Variants in SH3BGRL2 observed in about 807,000 individuals in gnomAD.
SH3BGRL2 encodes SH3 domain-binding glutamic acid-rich-like protein 2.
In SH3BGRL2, 21 loss-of-function variants were observed where a neutral mutation model predicts 14.8. The observed-to-expected ratio is 1.42, with a 90% confidence interval of 1.01 to 2.05. The LOEUF (loss-of-function observed/expected upper bound fraction) is 2.05, where lower values mean the gene tolerates loss of function less well. Among genes scored for constraint, SH3BGRL2 ranks in the 30% most tolerant of loss-of-function variants. The pLI, the probability that SH3BGRL2 is intolerant of heterozygous loss-of-function variation, is 0.00. For missense variants in SH3BGRL2, 147 were observed against 130.8 expected, an observed-to-expected ratio of 1.12 and a Z score of -0.61; for synonymous variants, 50 against 47.8, an observed-to-expected ratio of 1.05 and a Z score of -0.19.
chr6:79,664,226 A>G (rs1021427025), intron 1 of SH3BGRL2, among the ~76,000 whole-genome samples: 18 of 152,356 alleles, frequency 1.2e-4, no homozygotes, highest in African/African-American at 4.3e-4. Context: ...TTGGAAATGC[A>G]GAAATCACCT....
chr6:79,657,638 C>T (rs1053398884), intron 1 of SH3BGRL2, among the ~76,000 whole-genome samples: 3 of 151,260 alleles, frequency 2.0e-5, no homozygotes, highest in Admixed American at 6.6e-5. Context: ...TTTTTTGAGG[C>T]GGAGTTTCGC....
chr6:79,632,675 C>A (rs1768847878), intron 1 of SH3BGRL2, among the ~76,000 whole-genome samples: 1 of 152,184 alleles, frequency 6.6e-6, no homozygotes, highest in African/African-American at 2.4e-5. Context: ...GCACTAGAAA[C>A]AATAGATGGG....
chr6:79,681,946 C>T (rs1223631655), intron 2 of SH3BGRL2, among the ~76,000 whole-genome samples: 1 of 147,238 alleles, frequency 6.8e-6, no homozygotes, highest in Non-Finnish European at 1.5e-5. Flanking sequence ...AGTGAGACTC[C>T]GTCTCAAAAA....
chr6:79,678,490 A>G (rs1450747923), intron 2 of SH3BGRL2, among the ~76,000 whole-genome samples: 6 of 152,190 alleles, frequency 3.9e-5, no homozygotes. Flanking sequence ...ACTGCATAAT[A>G]TTCCATTGTA....
the SH3BGRL2 span, among the ~76,000 whole-genome samples, chr6:79,622,498 T>C: frequency 3.0e-4 from 46 of 152,342 alleles, no homozygotes; most frequent in South Asian, 9.3e-3. Flanking sequence ...AGGCCCAAGA[T>C]TCTGTGTCTC....
intron 2 of SH3BGRL2, among the ~76,000 whole-genome samples, chr6:79,690,093 T>G (rs1407532035): frequency 3.3e-5 from 5 of 152,146 alleles, no homozygotes; most frequent in African/African-American, 9.7e-5. Context: ...CAGGGCTCAG[T>G]TGGTCCTCTC....
chr6:79,555,812 CTA>C, the SH3BGRL2 span, among the ~76,000 whole-genome samples: 6 of 152,072 alleles, frequency 3.9e-5, no homozygotes, highest in East Asian at 1.9e-4. Context: ...CCGGCCCAAA[CTA>C]TGTTTTTAAA....
the SH3BGRL2 span, among the ~76,000 whole-genome samples, chr6:79,563,777 C>T: frequency 6.6e-6 from 1 of 152,114 alleles, no homozygotes; most frequent in Admixed American, 6.5e-5. Flanking sequence ...ACCAAAATTG[C>T]CAGTCTACAG....
chr6:79,682,015 TACAC>T (rs10551968), intron 2 of SH3BGRL2, among the ~76,000 whole-genome samples: 1 of 149,440 alleles, frequency 6.7e-6, no homozygotes, highest in Non-Finnish European at 1.5e-5. Context: ...ACACACACAC[TACAC>T]ACACACACAT....
intron 1 of SH3BGRL2, among the ~76,000 whole-genome samples, chr6:79,648,329 T>C (rs946360890): frequency 1.4e-5 from 2 of 141,112 alleles, no homozygotes; most frequent in Admixed American, 1.5e-4. Context: ...TTGACTTATA[T>C]ATATTATATA....
chr6:79,570,632 C>G, the SH3BGRL2 span, among the ~76,000 whole-genome samples: 1 of 152,178 alleles, frequency 6.6e-6, no homozygotes, highest in Non-Finnish European at 1.5e-5. Context: ...CTCCACTTTA[C>G]CAACCCTGCC....
chr6:79,587,974 G>A, the SH3BGRL2 span, among the ~76,000 whole-genome samples: 1 of 151,462 alleles, frequency 6.6e-6, no homozygotes. Flanking sequence ...TCAGGAGTTT[G>A]AGACAAGCCT....
chr6:79,677,273 G>A (rs2127734476), intron 2 of SH3BGRL2, among the ~76,000 whole-genome samples: 1 of 152,204 alleles, frequency 6.6e-6, no homozygotes, highest in Admixed American at 6.5e-5. Context: ...TCTCTTTCCT[G>A]GAATTAGAAA....
chr6:79,572,325 T>TC, the SH3BGRL2 span, among the ~76,000 whole-genome samples: 4 of 152,236 alleles, frequency 2.6e-5, no homozygotes, highest in African/African-American at 9.6e-5. Flanking sequence ...AGTAGTAATA[T>TC]CAATTTATTT....
chr6:79,587,465 CAG>C, the SH3BGRL2 span, among the ~76,000 whole-genome samples: 1 of 152,004 alleles, frequency 6.6e-6, no homozygotes, highest in Non-Finnish European at 1.5e-5. Flanking sequence ...TCAGTGAAGA[CAG>C]AAAGTATAAA....
chr6:79,622,062 A>C, the SH3BGRL2 span, among the ~76,000 whole-genome samples: 1 of 152,110 alleles, frequency 6.6e-6, no homozygotes, highest in Non-Finnish European at 1.5e-5. Context: ...TGTTAGACTG[A>C]TGTAATAAAC....
Position 79,655,593 on chromosome 6 carries a change from C to G in SH3BGRL2, c.46-18021C>G, listed in dbSNP as rs543760043. 9.9e-5 allele frequency among the ~76,000 whole-genome samples: 15 copies of G among 152,224 alleles called. No individual in the cohort carries two copies. The South Asian group carries it at 2.5e-3, about 25-fold the overall frequency. The stretch of plus-strand genomic sequence containing the variant: ...TTTAGCAACGGGTCCCCAAGCCCCC[C>G]ACCTTTCTCACTCCAGCCCAAGGCT... On this transcript the variant is annotated intron_variant, in intron 1 of 3. Transcript: ENST00000369838.
intron 1 of SH3BGRL2, among the ~76,000 whole-genome samples, chr6:79,664,114 G>C (rs1409012279): frequency 6.6e-6 from 1 of 152,178 alleles, no homozygotes; most frequent in Non-Finnish European, 1.5e-5. Context: ...CCCAACCCCT[G>C]TCCTTCCCAG....
chr6:79,648,301 T>A (rs1769188905), intron 1 of SH3BGRL2, among the ~76,000 whole-genome samples: 1 of 116,934 alleles, frequency 8.6e-6, no homozygotes, highest in Non-Finnish European at 1.8e-5. Flanking sequence ...ATATTATATA[T>A]AATATATATA....
Sources: gnomAD v4.1 joint callset for allele counts (sites outside exome capture counted in the v4.1 genomes callset) on GRCh38, gnomAD v4.1.1 for gene constraint, MANE v1.5 for transcripts, NCBI Gene and HGNC (gene_info 2026-07-23, HGNC 2026-07-21) for gene names.